The following SLC6A5 variants were observed in gnomAD, a reference collection of about 807,000 sequenced individuals.
SLC6A5 encodes solute carrier family 6 member 5.
In SLC6A5, 58 loss-of-function variants were observed where a neutral mutation model predicts 90.5. The observed-to-expected ratio is 0.64, with a 90% CI of 0.52 to 0.80. The LOEUF (loss-of-function observed/expected upper bound fraction) is 0.80. Among genes scored for constraint, SLC6A5 ranks in the 30% least tolerant of loss-of-function variants. The pLI is 0.00. For synonymous variants in SLC6A5, 427 were observed against 401.4 expected, an observed-to-expected ratio of 1.06 and a Z score of -0.76; for missense variants, 1,015 against 1,017.6, an observed-to-expected ratio of 1.00 and a Z score of 0.03.
intron 14 of SLC6A5, among the ~76,000 whole-genome samples, chr11:20,649,940 T>C (rs1378760665): frequency 6.6e-6 from 1 of 152,228 alleles, no homozygotes; most frequent in Non-Finnish European, 1.5e-5. Flanking sequence ...ACAGTTGTCT[T>C]TGGGCTCATG....
intron 13 of SLC6A5, among the ~76,000 whole-genome samples, chr11:20,642,433 G>A (rs1853332362): frequency 6.6e-6 from 1 of 152,114 alleles, no homozygotes; most frequent in South Asian, 2.1e-4. Context: ...ATCTGTTTGA[G>A]TCTAAAATAA....
rs183341637 is a variant in SLC6A5 at position 20,624,682 on chromosome 11, C to T, written c.1261-2026C>T. ...GGACTGCATGTGGAAATGGAGGTGGCCCTGAACCAATAGCCGTCACCCCAT... is the reference window on the plus strand; with the variant it reads ...GGACTGCATGTGGAAATGGAGGTGGTCCTGAACCAATAGCCGTCACCCCAT... On this transcript the variant is annotated intron_variant, in intron 7 of 15. Transcript: ENST00000525748. Among the ~76,000 whole-genome samples, 860 of 152,268 alleles carry T rather than the reference C, an allele frequency of 5.6e-3. 13 individuals carry two copies. Among genetic ancestry groups the T allele is most frequent in the African/African-American group, 0.02 (821 of 41,554 alleles).
intron 12 of SLC6A5, 128 bp from the exon 13 acceptor site, chr11:20,638,330 AG>A (rs1270619107): frequency 1.4e-6 from 1 of 721,210 alleles, no homozygotes; most frequent in Non-Finnish European, 2.6e-6. Flanking sequence ...TACTGAGAGG[AG>A]GGGAGATGCA....
chr11:20,609,715 C>T (rs1000440868), intron 5 of SLC6A5, among the ~76,000 whole-genome samples: 1 of 152,224 alleles, frequency 6.6e-6, no homozygotes, highest in Non-Finnish European at 1.5e-5. Flanking sequence ...GAATGGCTAG[C>T]TATTGTGACC....
At chr11:20,609,119 A>T (rs1852646865) in intron 5 of SLC6A5, among the ~76,000 whole-genome samples, 1 of 152,106 alleles carries the variant, frequency 6.6e-6, no homozygotes, top group South Asian at 2.1e-4. Context: ...CAGAGCAAAG[A>T]TATGACACAG....
At chr11:20,600,455 T>C (rs951738117) in intron 1 of SLC6A5, among the ~76,000 whole-genome samples, 2 of 152,004 alleles carry the variant, frequency 1.3e-5, no homozygotes, top group African/African-American at 4.8e-5. Flanking sequence ...CTTTTCCATG[T>C]CTGGGAATCT....
chr11:20,613,555 A>C (rs1852730651), intron 5 of SLC6A5, among the ~76,000 whole-genome samples: 1 of 152,126 alleles, frequency 6.6e-6, no homozygotes, highest in South Asian at 2.1e-4. Context: ...ACAGAGCCTG[A>C]CATACTAAGA....
Position 20,653,384 on chromosome 11 carries a change from G to A in SLC6A5, c.2238+928G>A, listed in dbSNP as rs145335681. On this transcript the variant is annotated intron_variant, in intron 15 of 15. Transcript: ENST00000525748. ...CATCTACAGTTTAACAAGCCCCCTC[G>A]TTAGCGAAGCATTGGACTAGACTCA... 6.1e-3 allele frequency among the ~76,000 whole-genome samples: 926 copies of A among 152,270 alleles called. 10 individuals carry two copies. The highest frequency in any genetic ancestry group is 8.1e-3 in the Non-Finnish European group (550 of 68,024).
At chr11:20,627,308 A>C (rs1408155900) in intron 8 of SLC6A5, among the ~76,000 whole-genome samples, 3 of 152,226 alleles carry the variant, frequency 2.0e-5, no homozygotes, top group Non-Finnish European at 2.9e-5. Context: ...TTGTCTTTGC[A>C]TATTCTGTAC....
chr11:20,611,778 A>AC (rs1220061726), intron 5 of SLC6A5, among the ~76,000 whole-genome samples: 1 of 151,400 alleles, frequency 6.6e-6, no homozygotes, highest in African/African-American at 2.4e-5. Context: ...AAAAAAAAAA[A>AC]AAAACAAGGT....
chr11:20,611,477 A>G (rs1384708004), intron 5 of SLC6A5, among the ~76,000 whole-genome samples: 1 of 152,150 alleles, frequency 6.6e-6, no homozygotes, highest in Non-Finnish European at 1.5e-5. Flanking sequence ...AAACAAATGA[A>G]AAAAGGTTCC....
intron 3 of SLC6A5, among the ~76,000 whole-genome samples, chr11:20,604,959 T>C (rs1273050866): frequency 6.6e-6 from 1 of 152,222 alleles, no homozygotes; most frequent in East Asian, 1.9e-4. Context: ...ATTTTGATTT[T>C]AGTAAAATCT....
intron 2 of SLC6A5, 58 bp from the exon 3 acceptor site, chr11:20,604,228 G>A (rs939257036): frequency 1.3e-6 from 2 of 1,555,154 alleles, no homozygotes; most frequent in Non-Finnish European, 1.7e-6. Context: ...AGGGTGGAAG[G>A]GGCCTGCTTG....
rs1192842881 is a variant in SLC6A5 at position 20,656,391 on chromosome 11, C to T, written c.*1523C>T. The stretch of plus-strand genomic sequence containing the variant: ...GGGAGATCATTTCAATCATTTTCTT[C>T]ATTTATCTTCATAGTACAGGGTCTC... On this transcript the variant is annotated 3_prime_UTR_variant, in exon 16 of 16. Transcript: ENST00000525748. The T allele has an allele frequency of 3.9e-5, 6 of 152,074 alleles. No individual in the cohort carries two copies. 9.4% of individuals were successfully genotyped at this position (152,074 alleles called of 1,614,324 possible).
At chr11:20,620,311 C>A (rs1433471936) in intron 7 of SLC6A5, among the ~76,000 whole-genome samples, 2 of 152,148 alleles carry the variant, frequency 1.3e-5, no homozygotes, top group African/African-American at 4.8e-5. Flanking sequence ...TAGTTCAAAT[C>A]CTGGCTCTAT....
Position 20,614,700 on chromosome 11 carries a change from A to C in SLC6A5, c.1007A>C (p.His336Pro), listed in dbSNP as rs753404579. The C allele has an allele frequency of 2.4e-5, 39 of 1,613,928 alleles. No individual in the cohort carries two copies. The Admixed American group carries it at 6.3e-4, about 26-fold the overall frequency. ...ACAGATTCCTGTGTTATCAGTGACCATCCCAAAATACAGATCAAGAACTCG... is the reference window on the plus strand; with the variant it reads ...ACAGATTCCTGTGTTATCAGTGACCCTCCCAAAATACAGATCAAGAACTCG... ...LLLDSCVISD[H>P]PKIQIKNSTF... is the part of the protein sequence containing the mutation. Residue 336 changes from histidine to proline, a missense_variant, in exon 6 of 16, where the codon CAT becomes CCT. This residue lies in a region of SLC6A5 where 567 missense variants were observed against 507.3 expected (regional missense o/e 1.12). Transcript: ENST00000525748.
chr11:20,632,573 C>T (rs767614241), intron 10 of SLC6A5, among the ~76,000 whole-genome samples: 17 of 152,124 alleles, frequency 1.1e-4, no homozygotes, highest in South Asian at 4.1e-4. Flanking sequence ...GGCACAGGGA[C>T]GGGTGGGCCT....
At chr11:20,647,331 A>G (rs1378466732) in intron 14 of SLC6A5, among the ~76,000 whole-genome samples, 2 of 49,828 alleles carry the variant, frequency 4.0e-5, no homozygotes, top group Non-Finnish European at 1.0e-4. Flanking sequence ...AGTTATATAT[A>G]TAACTATATA....
At chr11:20,606,943 G>A in intron 3 of SLC6A5, 64 bp from the exon 4 acceptor site, 1 of 1,609,712 alleles carries the variant, frequency 6.2e-7, no homozygotes, top group Non-Finnish European at 8.5e-7. Context: ...TAGCCCAGAG[G>A]GTTAAGGAGG....
Sources: allele counts gnomAD v4.1 joint callset (sites outside exome capture counted in the v4.1 genomes callset), GRCh38; gene constraint gnomAD v4.1.1; regional missense constraint gnomAD v4.1.1; transcripts MANE v1.5; gene names NCBI Gene and HGNC (gene_info 2026-07-23, HGNC 2026-07-21).